CABYR: variants seen among roughly 807,000 people sequenced by gnomAD.
CABYR encodes calcium binding tyrosine phosphorylation regulated.
CABYR carries 31 observed loss-of-function variants against 36.1 expected under a neutral mutation model. That is an observed-to-expected ratio of 0.86 (90% confidence interval 0.64 to 1.16). The LOEUF (loss-of-function observed/expected upper bound fraction) is 1.16, where lower values mean the gene tolerates loss of function less well. CABYR is among the 50% of genes most tolerant of loss of function. CABYR has a pLI of 0.00. For synonymous variants in CABYR, 146 were observed against 160.7 expected (o/e 0.91, Z 0.69); for missense variants, 429 against 455.8 (o/e 0.94, Z 0.53).
At chr18:24,152,374 G>GC (rs2085663770) in intron 3 of CABYR, among the ~76,000 whole-genome samples, 2 of 152,160 alleles carry the variant, frequency 1.3e-5, no homozygotes, top group Non-Finnish European at 2.9e-5. Context: ...CCTGAAGCTT[G>GC]GAACAGTTGA....
chr18:24,151,877 A>G (rs2085646784), intron 3 of CABYR, among the ~76,000 whole-genome samples: 1 of 152,024 alleles, frequency 6.6e-6, no homozygotes. Context: ...TTTAGTAGAG[A>G]CAGAATTTCA....
intron 4 of CABYR, among the ~76,000 whole-genome samples, chr18:24,158,314 T>G (rs1330076308): frequency 1.3e-5 from 2 of 151,864 alleles, no homozygotes; most frequent in African/African-American, 4.8e-5. Flanking sequence ...GTGCGTAGTA[T>G]TATTTCTTTT....
In CABYR at chr18:24,143,185, C is replaced by G. The variant is rs759518813; in HGVS notation, c.71C>G (p.Ala24Gly). The G allele has an allele frequency of 1.6e-5, 26 of 1,613,836 alleles. No individual in the cohort carries two copies. The highest frequency in any genetic ancestry group is 2.1e-5 in the Non-Finnish European group (25 of 1,179,902). The change falls in exon 2 of 6, where the codon GCT becomes GGT. Residue 24 changes from alanine to glycine, a missense_variant. Transcript: ENST00000399496. ...ACTCTGCTCGAGGGAATTAGCAGAG[C>G]TGTTCTCAAAACCAACCCATCAAAC... ...LKTLLEGISR[A>G]VLKTNPSNIN...
At chr18:24,149,386 C>T (rs1290965539) in intron 3 of CABYR, among the ~76,000 whole-genome samples, 2 of 152,142 alleles carry the variant, frequency 1.3e-5, no homozygotes, top group African/African-American at 4.8e-5. Flanking sequence ...TGTTTACAAA[C>T]CTTGAGCTAG....
At position 24,156,886 on chromosome 18, in the gene CABYR, G is replaced by A. The variant is rs756376903; in HGVS notation, c.541+844G>A. On this transcript the variant is annotated intron_variant, in intron 4 of 5. Transcript: ENST00000399496. The stretch of plus-strand genomic sequence containing the variant: ...GAAGCTGCAGAAGCAGTGCACTCAG[G>A]TACATCTGTAAAGTCATCTAGTGGC... The A allele has an allele frequency of 3.1e-6, 5 of 1,614,096 alleles. No homozygotes were observed. The Admixed American group carries it at 5.0e-5, about 16-fold the overall frequency.
chr18:24,156,409 C>T, intron 4 of CABYR: 1 of 1,614,186 alleles, frequency 6.2e-7, no homozygotes, highest in Non-Finnish European at 8.5e-7. Context: ...GTGCCTGTGA[C>T]TGAAGGAGTT....
chr18:24,156,557 C>T (rs770866956), intron 4 of CABYR: 2 of 1,614,180 alleles, frequency 1.2e-6, no homozygotes, highest in South Asian at 2.2e-5. Context: ...AAAAGACCAC[C>T]TCTGGCATGT....
chr18:24,157,757 T>G (rs980941928), intron 4 of CABYR, among the ~76,000 whole-genome samples: 1 of 152,212 alleles, frequency 6.6e-6, no homozygotes, highest in Non-Finnish European at 1.5e-5. Context: ...TCCTATGACA[T>G]AGACATGATG....
At chr18:24,150,325 T>C (rs1001253109) in intron 3 of CABYR, among the ~76,000 whole-genome samples, 1 of 152,324 alleles carries the variant, frequency 6.6e-6, no homozygotes. Context: ...AAACTGGCCA[T>C]GCCCTCTTTT....
Position 24,143,353 on chromosome 18 carries a change from C to T in CABYR, c.146-7C>T. 1.3e-6 allele frequency: 2 copies of T among 1,591,124 alleles called. No homozygotes were observed. The highest frequency in any genetic ancestry group is 1.7e-6 in the Non-Finnish European group (2 of 1,164,798). ...CTGTATTTGATTTCCTGTATTGATTCCTTCAGGGAATACTACTATGGATAT... is the reference window on the plus strand; with the variant it reads ...CTGTATTTGATTTCCTGTATTGATTTCTTCAGGGAATACTACTATGGATAT... On this transcript the variant is annotated splice_polypyrimidine_tract_variant and splice_region_variant and intron_variant, in intron 2 of 5. Transcript: ENST00000399496.
At position 24,150,694 on chromosome 18, in the gene CABYR, A is replaced by G. The variant is rs183647476; in HGVS notation, c.200-5007A>G. The stretch of plus-strand genomic sequence containing the variant: ...GAATCTTTTGTTTTAAATTCTTAAA[A>G]GATTACGTACCATACATATTCCTGA... On this transcript the variant is annotated intron_variant, in intron 3 of 5. Transcript: ENST00000399496. The G allele has an allele frequency of 3.0e-3, 1,134 of 377,538 alleles. 10 individuals are homozygous for G. Among genetic ancestry groups the G allele is most frequent in the African/African-American group, 0.024 (1,098 of 45,752 alleles). The allele number at this position is 377,538 out of a possible 1,614,324, so 23.4% of individuals were successfully genotyped here. A position where few individuals can be genotyped will look rare whatever the true frequency, so the allele number is the denominator to read the frequency against.
intron 4 of CABYR, chr18:24,157,075 C>T: frequency 9.1e-7 from 1 of 1,093,636 alleles, no homozygotes; most frequent in Non-Finnish European, 1.3e-6. Flanking sequence ...TCTCTGTCGG[C>T]TCCCTGCAGA....
At chr18:24,151,799 C>T (rs900179724) in intron 3 of CABYR, among the ~76,000 whole-genome samples, 1 of 151,384 alleles carries the variant, frequency 6.6e-6, no homozygotes, top group South Asian at 2.1e-4. Flanking sequence ...AAGCAATTCT[C>T]CTGCCTCAGC....
chr18:24,147,927 C>T (rs567573553), intron 3 of CABYR, among the ~76,000 whole-genome samples: 76 of 152,086 alleles, frequency 5.0e-4, no homozygotes, highest in Non-Finnish European at 9.4e-4. Flanking sequence ...TCATTCTGCT[C>T]CTAATATAAT....
Position 24,143,424 on chromosome 18 carries a change from C to T in CABYR, c.199+11C>T, listed in dbSNP as rs781639836. The T allele has an allele frequency of 6.9e-7, 1 of 1,439,078 alleles. No homozygotes were observed. Among genetic ancestry groups the T allele is most frequent in the South Asian group, 1.2e-5 (1 of 81,344 alleles). 89.1% of individuals were successfully genotyped at this position (1,439,078 alleles called of 1,614,324 possible). On this transcript the variant is annotated intron_variant, in intron 3 of 5. Coordinates refer to ENST00000399496, the MANE Select transcript of CABYR (RefSeq NM_153769.3). ...TTCATCAGATTAAAGGTAAGTACCACAAGTAGTAATAGTTTTAATAATGAT... is the reference window on the plus strand; with the variant it reads ...TTCATCAGATTAAAGGTAAGTACCATAAGTAGTAATAGTTTTAATAATGAT...
intron 1 of CABYR, 69 bp from the exon 2 acceptor site, chr18:24,143,022 C>CA (rs11320479): frequency 0.13 from 87,331 of 693,916 alleles, 6 homozygotes; most frequent in Non-Finnish European, 0.14. Context: ...GACAGAGTCT[C>CA]AAAAAAAAAA....
intron 3 of CABYR, chr18:24,150,625 G>A: frequency 1.0e-6 from 1 of 952,542 alleles, no homozygotes; most frequent in Non-Finnish European, 1.2e-6. Context: ...CTACTTTATA[G>A]TCTCTGGTAT....
rs78309037 is a variant in CABYR at position 24,160,569 on chromosome 18, T to C, written c.1139+500T>C. ...GCTAAACAACAGCTGAGATTAACTG[T>C]GGATGAGACAGTTTGATCACTCACA... On this transcript the variant is annotated intron_variant, in intron 5 of 5. Coordinates refer to ENST00000399496, the MANE Select transcript of CABYR (RefSeq NM_153769.3). Among the ~76,000 whole-genome samples the C allele has an allele frequency of 1.8e-4, 28 of 152,318 alleles. No individual in the cohort carries two copies. In the East Asian group the frequency reaches 5.2e-3, roughly 28 times the overall value.
At chr18:24,158,797 C>T (rs1431611170) in intron 4 of CABYR, among the ~76,000 whole-genome samples, 1 of 152,148 alleles carries the variant, frequency 6.6e-6, no homozygotes, top group African/African-American at 2.4e-5. Context: ...CTTCAAGAGG[C>T]AGGTCACACT....
Sources: allele counts gnomAD v4.1 joint callset (sites outside exome capture counted in the v4.1 genomes callset), GRCh38; gene constraint gnomAD v4.1.1; transcripts MANE v1.5; gene names NCBI Gene and HGNC (gene_info 2026-07-23, HGNC 2026-07-21).